Variants in PAPPA2 observed in about 807,000 individuals in gnomAD.
PAPPA2 encodes the protein pappalysin-2.
In PAPPA2, 86 loss-of-function variants were observed where a neutral mutation model predicts 176.4. The observed-to-expected ratio is 0.49, with a 90% CI of 0.41 to 0.58. PAPPA2 has a LOEUF of 0.58. Among genes scored for constraint, PAPPA2 ranks in the 20% least tolerant of loss-of-function variants. The pLI, the probability that PAPPA2 is intolerant of heterozygous loss-of-function variation, is 0.00. For missense variants in PAPPA2, 2,073 were observed against 2,256.9 expected, an observed-to-expected ratio of 0.92 and a Z score of 1.65; for synonymous variants, 809 against 852.2, an observed-to-expected ratio of 0.95 and a Z score of 0.88.
chr1:176,815,952 T>C (rs969997377), intron 21 of PAPPA2, among the ~76,000 whole-genome samples: 1 of 151,800 alleles, frequency 6.6e-6, no homozygotes, highest in East Asian at 2.0e-4. Context: ...AGGGATGCCT[T>C]TGAGTTCTTT....
intron 1 of PAPPA2, among the ~76,000 whole-genome samples, chr1:176,527,761 C>T (rs1159081441): frequency 5.3e-5 from 8 of 152,060 alleles, no homozygotes; most frequent in Admixed American, 5.2e-4. Context: ...CAGAAGAAAC[C>T]CTCCACCAAG....
intron 20 of PAPPA2, among the ~76,000 whole-genome samples, chr1:176,799,835 C>T (rs150480096): frequency 2.6e-5 from 4 of 152,004 alleles, no homozygotes; most frequent in Admixed American, 1.3e-4. Context: ...TGAAAAGTTT[C>T]GAGAAATCTC....
intron 3 of PAPPA2, among the ~76,000 whole-genome samples, chr1:176,644,964 C>G (rs1261211028): frequency 4.0e-5 from 6 of 151,734 alleles, no homozygotes; most frequent in Non-Finnish European, 8.8e-5. Context: ...AAAAGTTTTA[C>G]TTATACAGAA....
rs1363097644 is a variant in PAPPA2, at chr1:176,692,309, T to C, written c.2615T>C (p.Val872Ala). 1.2e-6 allele frequency: 2 copies of C among 1,610,758 alleles called. No individual in the cohort carries two copies. Among genetic ancestry groups the C allele is most frequent in the Non-Finnish European group, 8.5e-7 (1 of 1,177,462 alleles). Residue 872 changes from valine to alanine, a missense_variant, in exon 6 of 23, where the codon GTA (valine) becomes GCA (alanine). Transcript: ENST00000367662. ...TGGCTGCCTCCTATTAGTGGAGTTG[T>C]ATATGACAGGTGAGAGAGGCACTGG... ...IHWLPPISGV[V>A]YDRASGSLCG...
At chr1:176,579,614 C>T (rs915178106) in intron 2 of PAPPA2, among the ~76,000 whole-genome samples, 2 of 152,228 alleles carry the variant, frequency 1.3e-5, no homozygotes, top group Non-Finnish European at 2.9e-5. Context: ...ATGTCACACT[C>T]ACCAGCCCAT....
At chr1:176,623,400 A>C (rs1304359233) in intron 3 of PAPPA2, among the ~76,000 whole-genome samples, 1 of 152,130 alleles carries the variant, frequency 6.6e-6, no homozygotes, top group Non-Finnish European at 1.5e-5. Flanking sequence ...GAGTTTCTGA[A>C]AGTCAGGAGG....
chr1:176,758,435 T>C (rs914070483), intron 14 of PAPPA2, among the ~76,000 whole-genome samples: 2 of 152,334 alleles, frequency 1.3e-5, no homozygotes, highest in South Asian at 2.1e-4. Flanking sequence ...TTGTTGTTAA[T>C]GGTTTGCATT....
At chr1:176,652,246 T>C (rs984034533) in intron 3 of PAPPA2, among the ~76,000 whole-genome samples, 1 of 151,742 alleles carries the variant, frequency 6.6e-6, no homozygotes, top group Admixed American at 6.6e-5. Flanking sequence ...CATCTTTGCA[T>C]TGAAGAATTA....
chr1:176,595,705 T>A, intron 3 of PAPPA2, 110 bp downstream of exon 3: 1 of 1,037,654 alleles, frequency 9.6e-7, no homozygotes. Context: ...AATAAGACAT[T>A]AATCCACCCC....
rs1380484853 is a variant in PAPPA2 at position 176,790,503 on chromosome 1, C to T, written c.4884+526C>T. Among the ~76,000 whole-genome samples, 3 of 152,268 alleles carry T rather than the reference C, an allele frequency of 2.0e-5. No individual in the cohort carries two copies. In the South Asian group the frequency reaches 6.2e-4, roughly 32 times the overall value. On this transcript the variant is annotated intron_variant, in intron 18 of 22. Transcript: ENST00000367662. ...TCAAGCCTCACACACATACATGAGA[C>T]AGGAAGTCAAGCAGACTTCCTAGGC...
At chr1:176,534,084 C>T (rs1343001393) in intron 1 of PAPPA2, among the ~76,000 whole-genome samples, 1 of 147,716 alleles carries the variant, frequency 6.8e-6, no homozygotes, top group Admixed American at 6.7e-5. Flanking sequence ...TTTACTTCTT[C>T]TAAAATATGG....
rs560948709 is a variant in PAPPA2 at position 176,781,425 on chromosome 1, T to C, written c.4716-8384T>C. On this transcript the variant is annotated intron_variant, in intron 17 of 22. Transcript: ENST00000367662. ...TCAGGGAAGAAGGCCAAATCTAATA[T>C]GTCTTGTTGGATAGTCCTGCTGATG... Among the ~76,000 whole-genome samples, 122 of 140,820 alleles carry C rather than the reference T, an allele frequency of 8.7e-4. 3 individuals are homozygous for C. The Middle Eastern group carries it at 0.019, about 22-fold the overall frequency. 92.4% of individuals were successfully genotyped at this position (140,820 alleles called of 152,430 possible).
At chr1:176,722,223 T>C (rs1432456676) in intron 12 of PAPPA2, among the ~76,000 whole-genome samples, 1 of 152,116 alleles carries the variant, frequency 6.6e-6, no homozygotes, top group Admixed American at 6.5e-5. Flanking sequence ...TAAAACATCG[T>C]ATTTATTTGG....
intron 3 of PAPPA2, among the ~76,000 whole-genome samples, chr1:176,625,645 A>G (rs1271823426): frequency 6.6e-6 from 1 of 152,240 alleles, no homozygotes; most frequent in African/African-American, 2.4e-5. Context: ...TCCCATACTG[A>G]AAAGTATAGT....
intron 1 of PAPPA2, among the ~76,000 whole-genome samples, chr1:176,488,455 A>G (rs1177470294): frequency 6.6e-6 from 1 of 152,160 alleles, no homozygotes; most frequent in Non-Finnish European, 1.5e-5. Context: ...AGGGTGTACA[A>G]GAGTGTCTTC....
chr1:176,523,087 G>A (rs970318910), intron 1 of PAPPA2, among the ~76,000 whole-genome samples: 2 of 152,076 alleles, frequency 1.3e-5, no homozygotes, highest in Non-Finnish European at 2.9e-5. Flanking sequence ...GGCAGGGTGG[G>A]CTGAATCTCT....
intron 2 of PAPPA2, among the ~76,000 whole-genome samples, chr1:176,566,178 C>T (rs1251683834): frequency 6.6e-6 from 1 of 152,150 alleles, no homozygotes; most frequent in Non-Finnish European, 1.5e-5. Context: ...ATGTCTGGCC[C>T]CAGCTGGGTT....
At chr1:176,567,333 G>T (rs1652047900) in intron 2 of PAPPA2, among the ~76,000 whole-genome samples, 1 of 152,298 alleles carries the variant, frequency 6.6e-6, no homozygotes, top group Middle Eastern at 3.4e-3. Context: ...TTGAAGTATT[G>T]CCATGGCAAC....
intron 4 of PAPPA2, among the ~76,000 whole-genome samples, chr1:176,676,859 G>A (rs1659325091): frequency 6.6e-6 from 1 of 152,046 alleles, no homozygotes; most frequent in Non-Finnish European, 1.5e-5. Flanking sequence ...ATTGAATGAA[G>A]GTATAGTTGA....
Sources: allele counts gnomAD v4.1 joint callset (sites outside exome capture counted in the v4.1 genomes callset), GRCh38; gene constraint gnomAD v4.1.1; transcripts MANE v1.5; gene names NCBI Gene and HGNC (gene_info 2026-07-23, HGNC 2026-07-21).